The following CHSY3 variants were observed in gnomAD, a reference collection of about 807,000 sequenced individuals.
The protein encoded by CHSY3 is N-acetylgalactosaminyl-proteoglycan 3-beta-glucuronosyltransferase 3.
A neutral mutation model predicts 67.2 loss-of-function variants in CHSY3; 35 were observed. That is an observed-to-expected ratio of 0.52 (90% CI 0.40 to 0.69). The LOEUF (loss-of-function observed/expected upper bound fraction) is 0.69. CHSY3 is among the 30% of genes least tolerant of loss of function. The pLI is 0.00. For synonymous variants in CHSY3, 474 were observed against 434.7 expected, an observed-to-expected ratio of 1.09 and a Z score of -1.12; for missense variants, 1,069 against 1,138.5, an observed-to-expected ratio of 0.94 and a Z score of 0.88.
At chr5:130,027,249 C>A (rs1196293675) in intron 2 of CHSY3, among the ~76,000 whole-genome samples, 2 of 152,148 alleles carry the variant, frequency 1.3e-5, no homozygotes, top group Middle Eastern at 3.4e-3. Context: ...TTTACTCTTT[C>A]ATTTGATATC....
chr5:130,151,396 G>T (rs1769228059), intron 2 of CHSY3, among the ~76,000 whole-genome samples: 1 of 152,182 alleles, frequency 6.6e-6, no homozygotes, highest in Admixed American at 6.5e-5. Context: ...TGAACAGCAT[G>T]AACTTCAGAA....
chr5:129,922,580 G>A (rs1760959947), intron 2 of CHSY3, among the ~76,000 whole-genome samples: 1 of 152,038 alleles, frequency 6.6e-6, no homozygotes, highest in Admixed American at 6.5e-5. Flanking sequence ...TTTCCCTGAT[G>A]ATTAGTGATG....
intron 1 of CHSY3, chr5:129,906,001 GT>G: frequency 3.8e-6 from 1 of 260,722 alleles, no homozygotes; most frequent in Non-Finnish European, 7.2e-6. Context: ...GCTGATGGTA[GT>G]TTCCCCAATC....
At chr5:130,124,007 T>C (rs1768158244) in intron 2 of CHSY3, among the ~76,000 whole-genome samples, 2 of 114,292 alleles carry the variant, frequency 1.7e-5, no homozygotes, top group Admixed American at 1.4e-4. Context: ...GCCACTGCAC[T>C]CCAGCCTGGG....
chr5:130,049,088 G>A (rs1765245608), intron 2 of CHSY3, among the ~76,000 whole-genome samples: 1 of 151,980 alleles, frequency 6.6e-6, no homozygotes, highest in Non-Finnish European at 1.5e-5. Context: ...GCAGCAAAAG[G>A]GATGGGATAG....
chr5:130,144,218 C>T (rs915285646), intron 2 of CHSY3, among the ~76,000 whole-genome samples: 20 of 151,618 alleles, frequency 1.3e-4, no homozygotes, highest in Admixed American at 4.6e-4. Context: ...TACTTTAGAA[C>T]GCAGAAAAAT....
intron 2 of CHSY3, among the ~76,000 whole-genome samples, chr5:130,028,027 G>A (rs1364685194): frequency 6.6e-6 from 1 of 152,066 alleles, no homozygotes; most frequent in Non-Finnish European, 1.5e-5. Context: ...TCTAGTTCTA[G>A]ATCCTTGAGG....
intron 2 of CHSY3, among the ~76,000 whole-genome samples, chr5:129,930,320 C>A (rs1761257245): frequency 6.8e-6 from 1 of 146,544 alleles, no homozygotes; most frequent in Non-Finnish European, 1.5e-5. Flanking sequence ...GCAGCAGAAC[C>A]AGACTCTATC....
At chr5:130,032,747 A>G (rs1224270519) in intron 2 of CHSY3, among the ~76,000 whole-genome samples, 1 of 152,166 alleles carries the variant, frequency 6.6e-6, no homozygotes, top group Non-Finnish European at 1.5e-5. Context: ...GCTTTGGGAT[A>G]AACCTACACT....
Position 130,185,449 on chromosome 5 carries a change from A to T in CHSY3, c.2307A>T (p.Ser769=). Residue 769 remains serine, a synonymous_variant, in exon 3 of 3, where the codon TCA becomes TCT. Coordinates refer to ENST00000305031, the MANE Select transcript of CHSY3 (RefSeq NM_175856.5). ...CCACTGATGATTACTTCATATTCTC[A>T]AAAAAGACTGGATTTTGGAGAGACT... is the stretch of plus-strand genomic sequence containing the variant. ...NPPTDDYFIF[S]KKTGFWRDYG... The T allele has an allele frequency of 6.2e-7, 1 of 1,613,624 alleles. No individual in the cohort carries two copies. The highest frequency in any genetic ancestry group is 8.5e-7 in the Non-Finnish European group (1 of 1,179,626).
At chr5:130,160,237 G>T (rs1434091937) in intron 2 of CHSY3, among the ~76,000 whole-genome samples, 2 of 152,172 alleles carry the variant, frequency 1.3e-5, no homozygotes, top group Admixed American at 1.3e-4. Context: ...TTGAGAACAA[G>T]CAAGTTCCTT....
At chr5:130,017,898 C>T (rs2149651287) in intron 2 of CHSY3, among the ~76,000 whole-genome samples, 1 of 152,142 alleles carries the variant, frequency 6.6e-6, no homozygotes, top group South Asian at 2.1e-4. Context: ...AGAAAACCAA[C>T]CATAATCCTC....
intron 2 of CHSY3, among the ~76,000 whole-genome samples, chr5:129,964,511 C>T (rs1257865609): frequency 2.6e-5 from 4 of 151,740 alleles, no homozygotes; most frequent in Admixed American, 6.6e-5. Flanking sequence ...ATATAGGACT[C>T]CAGTAGCTCT....
At chr5:129,924,056 G>A (rs2149584807) in intron 2 of CHSY3, among the ~76,000 whole-genome samples, 1 of 152,194 alleles carries the variant, frequency 6.6e-6, no homozygotes, top group Admixed American at 6.5e-5. Flanking sequence ...ATTAAACTTA[G>A]TAATTTGTTT....
At chr5:129,925,371 G>A (rs188212188) in intron 2 of CHSY3, among the ~76,000 whole-genome samples, 2 of 152,050 alleles carry the variant, frequency 1.3e-5, no homozygotes, top group African/African-American at 4.8e-5. Flanking sequence ...GAAATGGGAA[G>A]GCTTGAAAGA....
At chr5:129,933,537 A>G (rs1761385273) in intron 2 of CHSY3, among the ~76,000 whole-genome samples, 2 of 152,172 alleles carry the variant, frequency 1.3e-5, no homozygotes, top group African/African-American at 2.4e-5. Flanking sequence ...TACTTGATGT[A>G]TTTATTTTTA....
chr5:129,989,202 G>T (rs1763287068), intron 2 of CHSY3, among the ~76,000 whole-genome samples: 2 of 151,738 alleles, frequency 1.3e-5, no homozygotes, highest in South Asian at 4.1e-4. Flanking sequence ...TTCTAACAGG[G>T]TCATCCCATA....
intron 2 of CHSY3, among the ~76,000 whole-genome samples, chr5:130,134,799 T>A (rs1488873590): frequency 2.6e-5 from 4 of 152,190 alleles, no homozygotes; most frequent in African/African-American, 9.6e-5. Context: ...AATTGCACCA[T>A]CATCTCTGGT....
chr5:130,071,610 C>T (rs1334358644), intron 2 of CHSY3, among the ~76,000 whole-genome samples: 1 of 150,278 alleles, frequency 6.7e-6, no homozygotes. Flanking sequence ...TATCTATTTA[C>T]CCCTTGATGG....
Sources: allele counts gnomAD v4.1 joint callset (sites outside exome capture counted in the v4.1 genomes callset), GRCh38; gene constraint gnomAD v4.1.1; transcripts MANE v1.5; gene names NCBI Gene and HGNC (gene_info 2026-07-23, HGNC 2026-07-21).